Variants in TASOR observed in about 807,000 individuals in gnomAD.
TASOR encodes the protein transcription activation suppressor.
TASOR carries 53 observed loss-of-function variants against 178.6 expected under a neutral mutation model. The ratio of observed to expected loss-of-function variants is 0.30; its 90% CI spans 0.24 to 0.37. The LOEUF is 0.37. Among genes scored for constraint, TASOR ranks in the 10% least tolerant of loss-of-function variants. TASOR has a pLI of 1.00. For missense variants in TASOR, 1,815 were observed against 1,971.4 expected (o/e 0.92, Z 1.50); for synonymous variants, 713 against 696.2 (o/e 1.02, Z -0.38).
rs533327104 is a variant in TASOR, at chr3:56,670,181, T to C, written c.571-36A>G. 9.7e-6 allele frequency: 12 copies of C among 1,238,530 alleles called. No individual in the cohort carries two copies. In the South Asian group the frequency reaches 1.5e-4, roughly 16 times the overall value. 76.7% of individuals were successfully genotyped at this position (1,238,530 alleles called of 1,614,324 possible). On this transcript the variant is annotated intron_variant, in intron 3 of 23. Coordinates refer to ENST00000683822, the MANE Select transcript of TASOR (RefSeq NM_001365635.2). ...AAAAAAATACTTCATCTTGCAGTCA[T>C]AACAACATTTAAAACATGAAAAAAT...
chr3:56,673,292 T>C (rs1157053946), intron 2 of TASOR, among the ~76,000 whole-genome samples: 1 of 151,994 alleles, frequency 6.6e-6, no homozygotes, highest in African/African-American at 2.4e-5. Context: ...ATTAGGCAGG[T>C]GCAGTGGCAC....
chr3:56,645,550 T>G (rs2077218185), intron 14 of TASOR, among the ~76,000 whole-genome samples: 1 of 152,242 alleles, frequency 6.6e-6, no homozygotes, highest in African/African-American at 2.4e-5. Context: ...ACTCATTCTG[T>G]GCTTATCAAC....
At chr3:56,659,652 T>C (rs746748868) in intron 11 of TASOR, among the ~76,000 whole-genome samples, 10 of 152,216 alleles carry the variant, frequency 6.6e-5, no homozygotes, top group Non-Finnish European at 1.0e-4. Context: ...CTAACGTAAT[T>C]ATTCAAAACA....
chr3:56,674,989 TTGTG>T (rs778725768), intron 1 of TASOR, among the ~76,000 whole-genome samples: 1 of 151,900 alleles, frequency 6.6e-6, no homozygotes, highest in Non-Finnish European at 1.5e-5. Context: ...CGGCTAATTT[TTGTG>T]TGTGTGTGTT....
chr3:56,658,645 G>C (rs776649554), intron 11 of TASOR, among the ~76,000 whole-genome samples: 1 of 152,128 alleles, frequency 6.6e-6, no homozygotes, highest in Admixed American at 6.5e-5. Context: ...GGCCAGGCGC[G>C]GTGGCTCACC....
intron 23 of TASOR, chr3:56,623,853 T>C (rs751380219): frequency 3.2e-6 from 5 of 1,548,126 alleles, no homozygotes; most frequent in African/African-American, 1.4e-5. Flanking sequence ...TCTAAAGTTA[T>C]ACGGTAATTC....
chr3:56,662,323 G>A, intron 9 of TASOR, 62 bp downstream of exon 9: 1 of 831,646 alleles, frequency 1.2e-6, no homozygotes, highest in Non-Finnish European at 1.9e-6. Context: ...AAAGAAATAA[G>A]GAAAAAGGCT....
chr3:56,663,801 G>C (rs1198740140), intron 7 of TASOR: 1 of 1,012,816 alleles, frequency 9.9e-7, no homozygotes, highest in Admixed American at 5.8e-5. Context: ...CCAAATTTAA[G>C]GGAGTTGTTT....
rs751265378 is a variant in TASOR at position 56,627,594 on chromosome 3, C to T, written c.4018G>A (p.Val1340Ile). 3.7e-6 allele frequency: 6 copies of T among 1,613,992 alleles called. No individual in the cohort carries two copies. Among genetic ancestry groups the T allele is most frequent in the Admixed American group, 1.7e-5 (1 of 60,014 alleles). The change falls in exon 20 of 24, where the codon GTT (valine) becomes ATT (isoleucine). Residue 1340 changes from valine to isoleucine, a missense_variant. Physicochemically the swap from Val to Ile is conservative, Grantham distance 29 (BLOSUM62 3). Coordinates refer to ENST00000683822, the MANE Select transcript of TASOR (RefSeq NM_001365635.2). ...VSDESILNPE[V>I]VTVENLKNFL... ...AACATCATCTTACCAACTGTGACAACCTCTGGGTTTAGAATTGATTCATCA... is the reference window on the plus strand; with the variant it reads ...AACATCATCTTACCAACTGTGACAATCTCTGGGTTTAGAATTGATTCATCA...
At chr3:56,674,505 T>C (rs542785869) in intron 1 of TASOR, among the ~76,000 whole-genome samples, 2 of 152,120 alleles carry the variant, frequency 1.3e-5, no homozygotes, top group South Asian at 4.2e-4. Flanking sequence ...AGAGACCCTG[T>C]CTCAAAAATA....
intron 13 of TASOR, among the ~76,000 whole-genome samples, 164 bp downstream of exon 13, chr3:56,648,658 A>C (rs1333149395): frequency 1.4e-5 from 2 of 146,478 alleles, no homozygotes; most frequent in East Asian, 4.2e-4. Flanking sequence ...AAAAAAAAAA[A>C]AAATTCATAT....
At chr3:56,625,338 ATCCT>A (rs1264774122) in intron 21 of TASOR, among the ~76,000 whole-genome samples, 1 of 152,192 alleles carries the variant, frequency 6.6e-6, no homozygotes, top group Non-Finnish European at 1.5e-5. Flanking sequence ...AACAGTATAA[ATCCT>A]TCCTTCAAAA....
chr3:56,668,384 T>A lies in TASOR; in HGVS notation c.897+13A>T. The A allele has an allele frequency of 6.5e-7, 1 of 1,549,968 alleles. No individual in the cohort carries two copies. Reference sequence around the variant, plus strand: ...TATGAGATCACAACATTACAACGGATCCTGGAACCTACCTGAGTAAGCTCA... The same window carrying A: ...TATGAGATCACAACATTACAACGGAACCTGGAACCTACCTGAGTAAGCTCA... On this transcript the variant is annotated intron_variant, in intron 6 of 23. Coordinates refer to ENST00000683822, the MANE Select transcript of TASOR (RefSeq NM_001365635.2).
intron 1 of TASOR, among the ~76,000 whole-genome samples, chr3:56,677,744 C>T (rs2031437288): frequency 6.6e-6 from 1 of 152,140 alleles, no homozygotes; most frequent in South Asian, 2.1e-4. Flanking sequence ...GAATTTCGTT[C>T]TAATACTGCT....
chr3:56,664,480 A>G (rs977946992), intron 7 of TASOR: 9 of 152,270 alleles, frequency 5.9e-5, no homozygotes, highest in Admixed American at 1.3e-4. Context: ...TACTATGTCA[A>G]TTGGTACCTG....
rs1023872492 is a variant in TASOR, at chr3:56,648,840, G to T, written c.1495C>A (p.Pro499Thr). 1.9e-6 allele frequency: 3 copies of T among 1,610,954 alleles called. No homozygotes were observed. Among genetic ancestry groups the T allele is most frequent in the Non-Finnish European group, 2.5e-6 (3 of 1,178,552 alleles). The change falls in exon 13 of 24, where the codon CCT becomes ACT. Residue 499 changes from proline (P) to threonine (T), a missense_variant. Coordinates refer to ENST00000683822, the MANE Select transcript of TASOR (RefSeq NM_001365635.2). Reference sequence around the variant, plus strand: ...AACTTACAAGTAACTATGCTTCTAGGTTCTTGAAATAGAAACAAAGCATGT... The same window carrying T: ...AACTTACAAGTAACTATGCTTCTAGTTTCTTGAAATAGAAACAAAGCATGT... Reference protein sequence around the residue: ...VLHALFLFQEPRSIVTSQKGS... With the variant: ...VLHALFLFQETRSIVTSQKGS...
chr3:56,680,178 C>T (rs2031666231), intron 1 of TASOR, among the ~76,000 whole-genome samples: 1 of 152,140 alleles, frequency 6.6e-6, no homozygotes, highest in Non-Finnish European at 1.5e-5. Flanking sequence ...CAAATTCCAT[C>T]TCCACAACTT....
At chr3:56,670,033 T>TTAGTAG (rs1329245948) in intron 4 of TASOR, 40 bp downstream of exon 4, 1 of 1,277,962 alleles carries the variant, frequency 7.8e-7, no homozygotes, top group East Asian at 2.5e-5. Flanking sequence ...AGACAGCAAC[T>TTAGTAG]TAGTAGTAGA....
Position 56,639,467 on chromosome 3 carries a change from A to G in TASOR, c.2764+519T>C, listed in dbSNP as rs137939813. On this transcript the variant is annotated intron_variant, in intron 16 of 23. Coordinates refer to ENST00000683822, the MANE Select transcript of TASOR (RefSeq NM_001365635.2). ...GCTAAACTTTTTGCCTCACAGTTCAATAACATTTACATTTGATCATTCAGG... is the reference window on the plus strand; with the variant it reads ...GCTAAACTTTTTGCCTCACAGTTCAGTAACATTTACATTTGATCATTCAGG... Among the ~76,000 whole-genome samples the G allele has an allele frequency of 4.6e-3, 707 of 152,346 alleles. 4 individuals are homozygous for G. Among genetic ancestry groups the G allele is most frequent in the African/African-American group, 0.016 (665 of 41,574 alleles).
Sources: allele counts gnomAD v4.1 joint callset (sites outside exome capture counted in the v4.1 genomes callset), GRCh38; gene constraint gnomAD v4.1.1; transcripts MANE v1.5; gene names NCBI Gene and HGNC (gene_info 2026-07-23, HGNC 2026-07-21).